Variants in MUC5B observed in about 807,000 individuals in gnomAD.
MUC5B encodes mucin 5B, oligomeric mucus/gel-forming.
Under a neutral mutation model 376.9 loss-of-function variants are expected in MUC5B, and 116 were observed. The ratio of observed to expected loss-of-function variants is 0.31; its 90% confidence interval spans 0.26 to 0.36. The LOEUF is 0.36. MUC5B is among the 10% of genes least tolerant of loss of function. The pLI, the probability that MUC5B is intolerant of heterozygous loss-of-function variation, is 1.00. For missense variants in MUC5B, 7,165 were observed against 7,769.9 expected, an observed-to-expected ratio of 0.92 and a Z score of 2.93; for synonymous variants, 3,517 against 3,390.9, an observed-to-expected ratio of 1.04 and a Z score of -1.29.
Position 1,247,264 on chromosome 11 carries a change from A to C in MUC5B, c.10384A>C (p.Ser3462Arg). The C allele has an allele frequency of 6.2e-7, 1 of 1,611,924 alleles. No homozygotes were observed. Among genetic ancestry groups the C allele is most frequent in the Non-Finnish European group, 8.5e-7 (1 of 1,179,518 alleles). Residue 3462 changes from serine (S) to arginine (R), a missense_variant, in exon 31 of 49, where the codon AGC (serine) becomes CGC (arginine). Coordinates refer to ENST00000529681, the MANE Select transcript of MUC5B (RefSeq NM_002458.3). ...ATTHGRSLPP[S>R]SPHTVRTAWT... ...CACACACGGGCGGTCCCTGCCCCCC[A>C]GCAGTCCCCACACGGTGCGCACAGC...
intron 19 of MUC5B, 112 bp downstream of exon 19, chr11:1,233,960 G>A: frequency 8.7e-7 from 1 of 1,155,586 alleles, no homozygotes; most frequent in Non-Finnish European, 1.3e-6. Context: ...GCCGGGCCAG[G>A]TCAGTCCTCA....
At position 1,250,852 on chromosome 11, in the gene MUC5B, A is replaced by G; in HGVS notation, c.13972A>G (p.Thr4658Ala). 6.2e-7 allele frequency: 1 copy of G among 1,607,234 alleles called. No individual in the cohort carries two copies. The highest frequency in any genetic ancestry group is 8.5e-7 in the Non-Finnish European group (1 of 1,176,924). Residue 4658 changes from threonine to alanine, a missense_variant, in exon 31 of 49, where the codon ACT (threonine) becomes GCT (alanine). By Grantham distance (58) the Thr-to-Ala change is moderately conservative. This residue lies in a region of MUC5B where 730 missense variants were observed against 592.7 expected (regional missense o/e 1.23). Coordinates refer to ENST00000529681, the MANE Select transcript of MUC5B (RefSeq NM_002458.3). ...CAGAGTGCTGACCACCACCACCACA[A>G]CTGTGGCCACTGGTTCTATGGCAAC... Reference protein sequence around the residue: ...TARVLTTTTTTVATGSMATPS... With the variant: ...TARVLTTTTTAVATGSMATPS...
At chr11:1,256,412 C>T (rs117543662) in intron 38 of MUC5B, among the ~76,000 whole-genome samples, 187 bp downstream of exon 38, 3,669 of 151,750 alleles carry the variant, frequency 0.024, 58 homozygotes, top group Non-Finnish European at 0.032. Flanking sequence ...AGGCAGGGGG[C>T]GCATCCCTGG....
chr11:1,239,630 G>T, intron 27 of MUC5B, 64 bp downstream of exon 27: 6 of 1,518,468 alleles, frequency 4.0e-6, no homozygotes, highest in Non-Finnish European at 4.4e-6. Context: ...ACGTGGGGGG[G>T]CGGGGATCCC....
At chr11:1,239,662 C>A in intron 27 of MUC5B, 96 bp downstream of exon 27, 1 of 1,499,464 alleles carries the variant, frequency 6.7e-7, no homozygotes. Context: ...TGTAGGCTCC[C>A]GTAAACTGCA....
rs1178601216 is a variant in MUC5B at position 1,251,624 on chromosome 11, C to T, written c.14744C>T (p.Thr4915Ile). The change falls in exon 31 of 49, where the codon ACC becomes ATC. Residue 4915 changes from threonine (T) to isoleucine (I), a missense_variant. By Grantham distance (89) the Thr-to-Ile change is moderately conservative. This residue lies in a region of MUC5B where 730 missense variants were observed against 592.7 expected (regional missense o/e 1.23). Coordinates refer to ENST00000529681, the MANE Select transcript of MUC5B (RefSeq NM_002458.3). ...GCAGTGCTCCCCAGCAGCCTGCCAACCTTCAGCGTGTCCACTGTGTCCTCC... is the reference window on the plus strand; with the variant it reads ...GCAGTGCTCCCCAGCAGCCTGCCAATCTTCAGCGTGTCCACTGTGTCCTCC... The part of the protein sequence containing the change: ...TPAVLPSSLP[T>I]FSVSTVSSSV... 2 of 1,613,110 alleles carry T rather than the reference C, an allele frequency of 1.2e-6. No individual in the cohort carries two copies. Among genetic ancestry groups the T allele is most frequent in the African/African-American group, 2.7e-5 (2 of 75,056 alleles).
chr11:1,255,275 T>C lies in MUC5B; in HGVS notation c.15890+9T>C. 6.8e-7 allele frequency: 1 copy of C among 1,463,152 alleles called. No homozygotes were observed. Among genetic ancestry groups the C allele is most frequent in the Non-Finnish European group, 9.1e-7 (1 of 1,095,018 alleles). The allele number at this position is 1,463,152 out of a possible 1,614,324, so 90.6% of individuals were successfully genotyped here. ...GATCTGATGCTGAGCCAGTGAGTCC[T>C]CCCCTCGGGGGTTGCAGGCCCTGGG... On this transcript the variant is annotated intron_variant, in intron 36 of 48. Coordinates refer to ENST00000529681, the MANE Select transcript of MUC5B (RefSeq NM_002458.3).
Position 1,248,496 on chromosome 11 carries a change from C to G in MUC5B, c.11616C>G (p.Gly3872=), listed in dbSNP as rs1180889030. Residue 3872 remains glycine, a synonymous_variant, in exon 31 of 49, where the codon GGC becomes GGG. Coordinates refer to ENST00000529681, the MANE Select transcript of MUC5B (RefSeq NM_002458.3). ...AAGTGCCGACTACCACAACCACGGGCTTCACAGTCACCCCCTCCTCCAGCC... is the reference window on the plus strand; with the variant it reads ...AAGTGCCGACTACCACAACCACGGGGTTCACAGTCACCCCCTCCTCCAGCC... ...TTKVPTTTTT[G]FTVTPSSSPG... 1.2e-6 allele frequency: 2 copies of G among 1,611,974 alleles called. No homozygotes were observed. Among genetic ancestry groups the G allele is most frequent in the African/African-American group, 2.7e-5 (2 of 74,644 alleles).
Position 1,245,164 on chromosome 11 carries a change from A to G in MUC5B, c.8284A>G (p.Ser2762Gly). 6.4e-7 allele frequency: 1 copy of G among 1,571,650 alleles called. No individual in the cohort carries two copies. The highest frequency in any genetic ancestry group is 8.6e-7 in the Non-Finnish European group (1 of 1,157,872). ...ATTHGRSLSP[S>G]SPHTVRTAWT... Reference sequence around the variant, plus strand: ...CACACACGGGCGATCCCTGTCCCCCAGCAGTCCCCACACGGTGCGCACAGC... The same window carrying G: ...CACACACGGGCGATCCCTGTCCCCCGGCAGTCCCCACACGGTGCGCACAGC... The change falls in exon 31 of 49, where the codon AGC becomes GGC. Residue 2762 changes from serine to glycine, a missense_variant. Ser to Gly is a moderately conservative substitution (Grantham distance 56). Transcript: ENST00000529681.
intron 3 of MUC5B, 98 bp downstream of exon 3, chr11:1,226,374 C>T (rs760543393): frequency 2.4e-5 from 35 of 1,442,918 alleles, no homozygotes; most frequent in Middle Eastern, 1.7e-4. Context: ...CAGGTGGGGC[C>T]GTTGGGCCAG....
rs755309052 is a variant in MUC5B at position 1,251,510 on chromosome 11, C to A, written c.14630C>A (p.Pro4877His). The A allele has an allele frequency of 3.8e-6, 6 of 1,581,866 alleles. No homozygotes were observed. The South Asian group carries it at 5.5e-5, about 15-fold the overall frequency. Residue 4877 changes from proline to histidine, a missense_variant, in exon 31 of 49, where the codon CCC becomes CAC. By Grantham distance (77) the Pro-to-His change is moderately conservative. Coordinates refer to ENST00000529681, the MANE Select transcript of MUC5B (RefSeq NM_002458.3). ...ASSTLGTAHTPKVVTTMATMP... is the reference protein window; with the variant it reads ...ASSTLGTAHTHKVVTTMATMP... ...TCCACTCTGGGAACAGCTCACACCC[C>A]CAAAGTGGTGACCACCATGGCCACT...
In MUC5B at chr11:1,229,680, C is replaced by T. The variant is rs753214381; in HGVS notation, c.1103-10C>T. On this transcript the variant is annotated splice_polypyrimidine_tract_variant and intron_variant, in intron 9 of 48. Coordinates refer to ENST00000529681, the MANE Select transcript of MUC5B (RefSeq NM_002458.3). The stretch of plus-strand genomic sequence containing the variant: ...CATGGGCCGGCCCTGCCTCACGCCG[C>T]GCCCCACAGGCACGGTGCTGGATGA... 13 of 1,554,094 alleles carry T rather than the reference C, an allele frequency of 8.4e-6. No individual in the cohort carries two copies. Among genetic ancestry groups the T allele is most frequent in the South Asian group, 1.2e-5 (1 of 85,074 alleles).
rs773456690 is a variant in MUC5B, at chr11:1,247,392, C to T, written c.10512C>T (p.His3504=). 3 of 1,610,200 alleles carry T rather than the reference C, an allele frequency of 1.9e-6. No homozygotes were observed. Among genetic ancestry groups the T allele is most frequent in the African/African-American group, 1.3e-5 (1 of 74,628 alleles). ...TPAATTSTTQ[H]STPALSSPHP... ...CAGCAACCACCAGTACCACCCAGCA[C>T]TCGACTCCAGCCCTGTCCAGCCCTC... The change falls in exon 31 of 49, where the codon CAC becomes CAT. Residue 3504 remains histidine, a synonymous_variant. Coordinates refer to ENST00000529681, the MANE Select transcript of MUC5B (RefSeq NM_002458.3).
chr11:1,260,898 G>T lies in MUC5B; in HGVS notation c.17069+170G>T, dbSNP rs147831241. On this transcript the variant is annotated intron_variant, in intron 48 of 48. Transcript: ENST00000529681. ...CCCTCTCCACGTCCATTGGCAGAAA[G>T]CCTGGGGCCGCTCTCCTAGCCAGGC... Among the ~76,000 whole-genome samples, 94 of 152,328 alleles carry T rather than the reference G, an allele frequency of 6.2e-4. 1 individual carries two copies. In the East Asian group the frequency reaches 0.017, roughly 28 times the overall value.
chr11:1,233,710 G>A lies in MUC5B; in HGVS notation c.2322-83G>A, dbSNP rs2735719. 619,164 of 1,401,222 alleles carry A rather than the reference G, an allele frequency of 0.44. 140,048 individuals are homozygous for A. The highest frequency in any genetic ancestry group is 0.7 in the East Asian group (28,172 of 40,374). The allele number at this position is 1,401,222 out of a possible 1,614,324, so 86.8% of individuals were successfully genotyped here. On this transcript the variant is annotated intron_variant, in intron 18 of 48. Coordinates refer to ENST00000529681, the MANE Select transcript of MUC5B (RefSeq NM_002458.3). ...GGTGGCCAGGCTGGGGAGGCCCAGC[G>A]TTCGGCGGGGGCTCGGAAGCCCGGG...
chr11:1,244,048 C>A lies in MUC5B; in HGVS notation c.7168C>A (p.Arg2390Ser). 11 of 1,563,592 alleles carry A rather than the reference C, an allele frequency of 7.0e-6. No individual in the cohort carries two copies. Among genetic ancestry groups the A allele is most frequent in the Non-Finnish European group, 9.7e-6 (11 of 1,138,368 alleles). ...SLDFGLVCRN[R>S]EQVGKFKMCF... ...GGACTTTGGCCTGGTCTGCAGGAAC[C>A]GTGAGCAGGTGGGGAAGTTCAAGAT... Residue 2390 changes from arginine (R) to serine (S), a missense_variant, in exon 31 of 49, where the codon CGT becomes AGT. Physicochemically the swap from Arg to Ser is moderately radical, Grantham distance 110. Around this residue, in one of 31 missense-constraint regions of MUC5B, gnomAD observed 25 missense variants for 103.9 expected, o/e 0.24. Transcript: ENST00000529681.
Position 1,241,908 on chromosome 11 carries a change from G to A in MUC5B, c.5028G>A (p.Thr1676=), listed in dbSNP as rs190014960. Residue 1676 remains threonine, a synonymous_variant, in exon 31 of 49, where the codon ACG becomes ACA. Coordinates refer to ENST00000529681, the MANE Select transcript of MUC5B (RefSeq NM_002458.3). ...CAGCCACCACGGGAGGCCCCACGAC[G>A]CCTGCAGGCTCCACAGAACCCACTG... ...LGTATTGGPT[T]PAGSTEPTVP... 224 of 1,610,282 alleles carry A rather than the reference G, an allele frequency of 1.4e-4. 3 individuals are homozygous for A. The South Asian group carries it at 2.3e-3, about 17-fold the overall frequency.
intron 32 of MUC5B, 102 bp downstream of exon 32, chr11:1,252,626 C>A: frequency 7.2e-7 from 1 of 1,385,788 alleles, no homozygotes; most frequent in Non-Finnish European, 9.6e-7. Context: ...CTCAGTGACC[C>A]CGCCGCCAGT....
At position 1,244,763 on chromosome 11, in the gene MUC5B, G is replaced by C. The variant is rs201153963; in HGVS notation, c.7883G>C (p.Arg2628Pro). ...CCCTCCTCCAGCCCAGGGACGGCAC[G>C]CACGCTTCCAGTGTGGATCAGCACA... ...ATPSSSPGTA[R>P]TLPVWISTTT... Residue 2628 changes from arginine to proline, a missense_variant, in exon 31 of 49, where the codon CGC becomes CCC. By Grantham distance (103) the Arg-to-Pro change is moderately radical. This residue lies in a region of MUC5B where 141 missense variants were observed against 111.2 expected (regional missense o/e 1.27). Transcript: ENST00000529681. The C allele has an allele frequency of 3.1e-6, 5 of 1,608,736 alleles. No individual in the cohort carries two copies. The highest frequency in any genetic ancestry group is 4.2e-6 in the Non-Finnish European group (5 of 1,176,840).
Sources: allele counts gnomAD v4.1 joint callset (sites outside exome capture counted in the v4.1 genomes callset), GRCh38; gene constraint gnomAD v4.1.1; regional missense constraint gnomAD v4.1.1; transcripts MANE v1.5; gene names NCBI Gene and HGNC (gene_info 2026-07-23, HGNC 2026-07-21).